TTC21B: variants seen among roughly 807,000 people sequenced by gnomAD.
The protein encoded by TTC21B is tetratricopeptide repeat domain 21B, also known as tetratricopeptide repeat protein 21B.
TTC21B carries 127 observed loss-of-function variants against 175.1 expected under a neutral mutation model. That is an observed-to-expected ratio of 0.73 (90% CI 0.63 to 0.84). The LOEUF (loss-of-function observed/expected upper bound fraction) is 0.84. Ranked by LOEUF, TTC21B falls within the 40% of genes least tolerant of loss-of-function variation. The pLI, the probability that TTC21B is intolerant of heterozygous loss-of-function variation, is 0.00. For synonymous variants in TTC21B, 524 were observed against 524.5 expected, an observed-to-expected ratio of 1.00 and a Z score of 0.01; for missense variants, 1,561 against 1,558.3, an observed-to-expected ratio of 1.00 and a Z score of -0.03.
Position 165,949,419 on chromosome 2 carries a change from A to C in TTC21B, c.237T>G (p.Tyr79Ter), listed in dbSNP as rs766943940. 6.2e-7 allele frequency: 1 copy of C among 1,613,028 alleles called. No individual in the cohort carries two copies. The highest frequency in any genetic ancestry group is 1.7e-5 in the Admixed American group (1 of 60,026). ...VSLCSLLALI[Y>*]AHKMSPNPDR... ...CTGGATTAGGACTCATTTTATGGGC[A>C]TATATCAGTGCAAGTAGAGAACAAA... Residue 79 changes from tyrosine (Y) to a stop codon, truncating the protein, a stop_gained, in exon 3 of 29, where the codon TAT becomes TAG. Coordinates refer to ENST00000243344, the MANE Select transcript of TTC21B (RefSeq NM_024753.5). LOFTEE classifies it high-confidence loss of function.
chr2:165,930,732 GGTGTGTGTGT>G, intron 8 of TTC21B, among the ~76,000 whole-genome samples: 67 of 110,908 alleles, frequency 6.0e-4, no homozygotes, highest in African/African-American at 1.7e-3. Flanking sequence ...TGGGTATGGG[GGTGTGTGTGT>G]GTGTGTGTGT....
At position 165,927,283 on chromosome 2, in the gene TTC21B, TATCCTAGTAGTTATATA is replaced by T. The variant is rs1559064827; in HGVS notation, c.1386+1835_1386+1851del. On this transcript the variant is annotated intron_variant, in intron 11 of 28. Coordinates refer to ENST00000243344, the MANE Select transcript of TTC21B (RefSeq NM_024753.5). ...ATATCCTAGTAGTTATATATATATATATCCTAGTAGTTATATATATATATTATATATTATATAATATA... is the reference window on the plus strand; with the variant it reads ...ATATCCTAGTAGTTATATATATATATTATATATTATATATTATATAATATA... 2.3e-3 allele frequency among the ~76,000 whole-genome samples: 232 copies of T among 102,876 alleles called. 5 individuals carry two copies. The highest frequency in any genetic ancestry group is 6.6e-3 in the African/African-American group (159 of 24,046). 67.5% of individuals were successfully genotyped at this position (102,876 alleles called of 152,430 possible).
At chr2:165,883,736 A>T in intron 26 of TTC21B, 58 bp downstream of exon 26, 1 of 1,336,434 alleles carries the variant, frequency 7.5e-7, no homozygotes, top group Non-Finnish European at 1.1e-6. Flanking sequence ...AACAATATCT[A>T]TATGGAAAGC....
At chr2:165,918,079 G>A (rs950671650) in intron 13 of TTC21B, among the ~76,000 whole-genome samples, 1 of 152,166 alleles carries the variant, frequency 6.6e-6, no homozygotes, top group African/African-American at 2.4e-5. Flanking sequence ...ACGAGGTGAC[G>A]TGGCAGCCAC....
chr2:165,948,706 T>C (rs1687667482), intron 3 of TTC21B: 1 of 152,456 alleles, frequency 6.6e-6, no homozygotes, highest in Non-Finnish European at 1.5e-5. Flanking sequence ...ACAGTTCACA[T>C]AACTTTATTT....
At position 165,874,822 on chromosome 2, in the gene TTC21B, G is replaced by T; in HGVS notation, c.3884C>A (p.Ala1295Glu). Reference sequence around the variant, plus strand: ...TCTGATTTTTGGATAAGTTGGATGTGCTTCAAGAACCTGCAAAACAAATAA... The same window carrying T: ...TCTGATTTTTGGATAAGTTGGATGTTCTTCAAGAACCTGCAAAACAAATAA... ...SIDICHQVLE[A>E]HPTYPKIRKD... Residue 1295 changes from alanine to glutamate, a missense_variant, in exon 29 of 29, where the codon GCA becomes GAA. Physicochemically the swap from Ala to Glu is moderately radical, Grantham distance 107. Coordinates refer to ENST00000243344, the MANE Select transcript of TTC21B (RefSeq NM_024753.5). 6.2e-7 allele frequency: 1 copy of T among 1,613,546 alleles called. No homozygotes were observed. The highest frequency in any genetic ancestry group is 8.5e-7 in the Non-Finnish European group (1 of 1,179,720).
chr2:165,899,545 C>T (rs950933183), intron 21 of TTC21B, among the ~76,000 whole-genome samples: 2 of 152,096 alleles, frequency 1.3e-5, no homozygotes, highest in Non-Finnish European at 2.9e-5. Flanking sequence ...AATAACTAGA[C>T]CCAAAAGGGC....
chr2:165,901,200 C>G (rs116211957), intron 20 of TTC21B, among the ~76,000 whole-genome samples: 3,702 of 152,108 alleles, frequency 0.024, 57 homozygotes, highest in Non-Finnish European at 0.037. Flanking sequence ...TTGCATCCAG[C>G]CTTAAACTCT....
Position 165,933,684 on chromosome 2 carries a change from C to A in TTC21B, c.711-627G>T, listed in dbSNP as rs532258136. On this transcript the variant is annotated intron_variant, in intron 6 of 28. Coordinates refer to ENST00000243344, the MANE Select transcript of TTC21B (RefSeq NM_024753.5). ...GATGATGTGGTACATATCACAATTA[C>A]TGGTTCCAGTTTTTCAACCCTCCCT... Among the ~76,000 whole-genome samples the A allele has an allele frequency of 7.2e-5, 11 of 152,294 alleles. 1 individual carries two copies. In the East Asian group the frequency reaches 2.1e-3, roughly 29 times the overall value.
At chr2:165,915,464 C>T (rs543955926) in intron 14 of TTC21B, 25 bp from the exon 15 acceptor site, 16 of 1,557,532 alleles carry the variant, frequency 1.0e-5, no homozygotes, top group African/African-American at 2.7e-5. Flanking sequence ...TTAAAATAAT[C>T]ATTCTTCCAA....
rs1225479136 is a variant in TTC21B at position 165,941,237 on chromosome 2, TTCTCATAACGC to T, written c.553-64_553-54del. The T allele has an allele frequency of 3.8e-6, 6 of 1,593,968 alleles. No homozygotes were observed. The African/African-American group carries it at 8.1e-5, about 21-fold the overall frequency. The stretch of plus-strand genomic sequence containing the variant: ...CAAACTGTGATCTTTCATATCAAAG[TTCTCATAACGC>T]AGAGCAGGCAGAGTATGAGCGTTTA... On this transcript the variant is annotated intron_variant, in intron 5 of 28. Coordinates refer to ENST00000243344, the MANE Select transcript of TTC21B (RefSeq NM_024753.5).
intron 22 of TTC21B, among the ~76,000 whole-genome samples, chr2:165,891,306 C>A (rs1008218173): frequency 6.6e-6 from 1 of 152,100 alleles, no homozygotes; most frequent in African/African-American, 2.4e-5. Context: ...TCTAGACTTT[C>A]AACTGTGAAG....
At chr2:165,882,687 C>T (rs1362841220) in intron 26 of TTC21B, among the ~76,000 whole-genome samples, 1 of 152,108 alleles carries the variant, frequency 6.6e-6, no homozygotes, top group Non-Finnish European at 1.5e-5. Flanking sequence ...TCTTAAATAT[C>T]ATGCTTTCAA....
intron 19 of TTC21B, among the ~76,000 whole-genome samples, chr2:165,902,158 G>T (rs1451446743): frequency 6.6e-6 from 1 of 152,142 alleles, no homozygotes; most frequent in Non-Finnish European, 1.5e-5. Context: ...GTTACAACAT[G>T]TGTATAGGAA....
chr2:165,897,500 G>A (rs904907582), intron 22 of TTC21B, among the ~76,000 whole-genome samples: 1 of 152,168 alleles, frequency 6.6e-6, no homozygotes, highest in Non-Finnish European at 1.5e-5. Context: ...AGAGGTGGGG[G>A]TGGAGCAAAC....
rs1684587198 is a variant in TTC21B at position 165,873,941 on chromosome 2, A to C, written c.*814T>G. ...TCTTTTGAGTTCCAAGAGGAATATA[A>C]ATCATCTATTTATAAAACCTTTATT... On this transcript the variant is annotated 3_prime_UTR_variant, in exon 29 of 29. Transcript: ENST00000243344. 6.6e-6 allele frequency: 1 copy of C among 152,098 alleles called. No homozygotes were observed. The highest frequency in any genetic ancestry group is 2.1e-4 in the South Asian group (1 of 4,834). 9.4% of individuals were successfully genotyped at this position (152,098 alleles called of 1,614,324 possible).
intron 27 of TTC21B, 86 bp downstream of exon 27, chr2:165,880,593 T>C: frequency 1.4e-6 from 2 of 1,459,708 alleles, no homozygotes; most frequent in Non-Finnish European, 9.5e-7. Context: ...TTATTTTGTT[T>C]TGAAAAAAAT....
chr2:165,911,819 T>C (rs1414029520), intron 17 of TTC21B, among the ~76,000 whole-genome samples: 1 of 151,962 alleles, frequency 6.6e-6, no homozygotes, highest in Non-Finnish European at 1.5e-5. Context: ...CCCACCACCA[T>C]GCCCAGCTAA....
At position 165,941,121 on chromosome 2, in the gene TTC21B, C is replaced by A; in HGVS notation, c.616G>T (p.Val206Leu). ...GALETVNQII[V>L]NFPSFLPAFV... The stretch of plus-strand genomic sequence containing the variant: ...GCAGGAAGGAAGCTCGGAAAATTCA[C>A]GATTATCTGGTTCACAGTCTCCAGG... The change falls in exon 6 of 29, where the codon GTG becomes TTG. Residue 206 changes from valine to leucine, a missense_variant. Val to Leu is a conservative substitution (Grantham distance 32). Transcript: ENST00000243344. The A allele has an allele frequency of 6.2e-7, 1 of 1,613,804 alleles. No homozygotes were observed. Among genetic ancestry groups the A allele is most frequent in the Non-Finnish European group, 8.5e-7 (1 of 1,179,820 alleles).
Sources: allele counts gnomAD v4.1 joint callset (sites outside exome capture counted in the v4.1 genomes callset), GRCh38; gene constraint gnomAD v4.1.1; transcripts MANE v1.5; gene names NCBI Gene and HGNC (gene_info 2026-07-23, HGNC 2026-07-21).